GPC6: variants seen among roughly 807,000 people sequenced by gnomAD.
The protein encoded by GPC6 is glypican-6.
Under a neutral mutation model 55.2 loss-of-function variants are expected in GPC6, and 14 were observed. The ratio of observed to expected loss-of-function variants is 0.25; its 90% confidence interval spans 0.17 to 0.40. The LOEUF (loss-of-function observed/expected upper bound fraction) is 0.40, where lower values mean the gene tolerates loss of function less well. Ranked by LOEUF, GPC6 falls within the 10% of genes least tolerant of loss-of-function variation. GPC6 has a pLI of 1.00. For missense variants in GPC6, 641 were observed against 708.5 expected, an observed-to-expected ratio of 0.90 and a Z score of 1.08; for synonymous variants, 278 against 259.6, an observed-to-expected ratio of 1.07 and a Z score of -0.68.
chr13:94,099,802 G>T (rs550744385), intron 4 of GPC6, among the ~76,000 whole-genome samples: 11 of 152,232 alleles, frequency 7.2e-5, no homozygotes, highest in African/African-American at 2.6e-4. Flanking sequence ...GAACATATTT[G>T]TGTCTTGTAT....
rs140994861 is a variant in GPC6, at chr13:93,500,581, C to G, written c.161-44682C>G. Among the ~76,000 whole-genome samples, 823 of 152,218 alleles carry G rather than the reference C, an allele frequency of 5.4e-3. 5 individuals carry two copies. The highest frequency in any genetic ancestry group is 0.018 in the African/African-American group (729 of 41,548). On this transcript the variant is annotated intron_variant, in intron 1 of 8. Coordinates refer to ENST00000377047, the MANE Select transcript of GPC6 (RefSeq NM_005708.5). The stretch of plus-strand genomic sequence containing the variant: ...CGAACATATATCTATTTTACATCCT[C>G]AAAGCTCTTCTTCAACATTAACTCG...
chr13:93,624,721 G>A (rs939395198), intron 2 of GPC6, among the ~76,000 whole-genome samples: 4 of 152,238 alleles, frequency 2.6e-5, no homozygotes, highest in African/African-American at 9.6e-5. Flanking sequence ...GCCAAACCTT[G>A]CCATAAATGC....
At chr13:94,061,553 G>A (rs1415376205) in intron 4 of GPC6, among the ~76,000 whole-genome samples, 2 of 151,980 alleles carry the variant, frequency 1.3e-5, no homozygotes, top group East Asian at 1.9e-4. Context: ...GGATGAATCA[G>A]GACTAGACTG....
chr13:93,258,139 G>A (rs1877016480), intron 1 of GPC6, among the ~76,000 whole-genome samples: 1 of 152,174 alleles, frequency 6.6e-6, no homozygotes, highest in South Asian at 2.1e-4. Context: ...GGGAGGCAGA[G>A]CTTCCCTAAA....
chr13:93,962,594 T>C (rs1305121926), intron 3 of GPC6, among the ~76,000 whole-genome samples: 2 of 152,098 alleles, frequency 1.3e-5, no homozygotes, highest in African/African-American at 4.8e-5. Context: ...AATACTTATA[T>C]AGGTGTTAGT....
chr13:94,235,577 T>C (rs1271552390), intron 4 of GPC6, among the ~76,000 whole-genome samples: 2 of 152,126 alleles, frequency 1.3e-5, no homozygotes, highest in African/African-American at 2.4e-5. Flanking sequence ...AATGAGGTAG[T>C]AGAGTACACA....
intron 1 of GPC6, among the ~76,000 whole-genome samples, chr13:93,489,526 A>C (rs997576863): frequency 6.6e-6 from 1 of 151,382 alleles, no homozygotes; most frequent in African/African-American, 2.4e-5. Context: ...TGGTAGCTTG[A>C]TGGGGATGGC....
At chr13:94,161,386 A>G (rs955647728) in intron 4 of GPC6, among the ~76,000 whole-genome samples, 4 of 152,188 alleles carry the variant, frequency 2.6e-5, no homozygotes, top group Admixed American at 2.6e-4. Flanking sequence ...AGATTGGCAT[A>G]TGTCCTTGGT....
At chr13:93,763,890 T>A (rs1330383117) in intron 2 of GPC6, among the ~76,000 whole-genome samples, 1 of 152,088 alleles carries the variant, frequency 6.6e-6, no homozygotes, top group Non-Finnish European at 1.5e-5. Context: ...TCCCATTCCA[T>A]AAATATCTAC....
At position 94,254,285 on chromosome 13, in the gene GPC6, A is replaced by G. The variant is rs539906655; in HGVS notation, c.878-32064A>G. ...TTTGCAGTGATACTTCCAAGTAAGT[A>G]AGGACTTTATGAAGTTATTTTCAAA... is the stretch of plus-strand genomic sequence containing the variant. On this transcript the variant is annotated intron_variant, in intron 4 of 8. Coordinates refer to ENST00000377047, the MANE Select transcript of GPC6 (RefSeq NM_005708.5). Among the ~76,000 whole-genome samples the G allele has an allele frequency of 3.0e-4, 45 of 152,250 alleles. 1 individual carries two copies. The South Asian group carries it at 9.1e-3, about 31-fold the overall frequency.
intron 2 of GPC6, among the ~76,000 whole-genome samples, chr13:93,687,526 C>T (rs1416630300): frequency 1.3e-5 from 2 of 152,104 alleles, no homozygotes; most frequent in African/African-American, 4.8e-5. Flanking sequence ...CCAACAGTCT[C>T]TGCAGCAGGA....
chr13:93,593,058 A>G (rs1200322393), intron 2 of GPC6, among the ~76,000 whole-genome samples: 3 of 152,150 alleles, frequency 2.0e-5, no homozygotes, highest in Non-Finnish European at 4.4e-5. Context: ...TTTATAAAAT[A>G]AATGAGATAA....
intron 2 of GPC6, among the ~76,000 whole-genome samples, chr13:93,804,095 TTAA>T (rs542556166): frequency 2.7e-3 from 411 of 152,218 alleles, no homozygotes; most frequent in Non-Finnish European, 4.5e-3. Context: ...GAATTATATC[TTAA>T]TAAAACTGTT....
intron 7 of GPC6, among the ~76,000 whole-genome samples, chr13:94,388,520 A>C (rs942203934): frequency 5.3e-5 from 8 of 152,232 alleles, no homozygotes; most frequent in African/African-American, 1.9e-4. Flanking sequence ...TCTGGTCTTT[A>C]ATAGTGCCAT....
chr13:93,440,334 G>A (rs1877740661), intron 1 of GPC6, among the ~76,000 whole-genome samples: 1 of 152,200 alleles, frequency 6.6e-6, no homozygotes, highest in Non-Finnish European at 1.5e-5. Context: ...CACTTGTGCA[G>A]AGATGCCTTA....
At chr13:93,331,356 C>T (rs767220307) in intron 1 of GPC6, among the ~76,000 whole-genome samples, 3 of 152,128 alleles carry the variant, frequency 2.0e-5, no homozygotes, top group Non-Finnish European at 2.9e-5. Context: ...TTGAAATTTT[C>T]CTTTTTCTAT....
chr13:94,047,798 A>G (rs1883784067), intron 4 of GPC6, among the ~76,000 whole-genome samples: 2 of 152,134 alleles, frequency 1.3e-5, no homozygotes, highest in Admixed American at 6.6e-5. Context: ...TTGTTTAGTG[A>G]CATTTCTTCA....
At chr13:93,870,733 A>G (rs550884850) in intron 3 of GPC6, among the ~76,000 whole-genome samples, 1 of 151,968 alleles carries the variant, frequency 6.6e-6, no homozygotes, top group Non-Finnish European at 1.5e-5. Flanking sequence ...GCGTGAACCT[A>G]CATGGAGAAG....
At chr13:94,032,984 T>C (rs1191015027) in intron 4 of GPC6, among the ~76,000 whole-genome samples, 3 of 152,174 alleles carry the variant, frequency 2.0e-5, no homozygotes, top group Non-Finnish European at 4.4e-5. Flanking sequence ...CTGTGGACTT[T>C]GTTTTGGTTT....
Sources: allele counts gnomAD v4.1 joint callset (sites outside exome capture counted in the v4.1 genomes callset), GRCh38; gene constraint gnomAD v4.1.1; transcripts MANE v1.5; gene names NCBI Gene and HGNC (gene_info 2026-07-23, HGNC 2026-07-21).